Variants in FOXL2NB observed in about 807,000 individuals in gnomAD.
FOXL2NB encodes the protein FOXL2 neighbor protein.
FOXL2NB carries 10 observed loss-of-function variants against 7.4 expected under a neutral mutation model. The ratio of observed to expected loss-of-function variants is 1.34; its 90% CI spans 0.83 to 2.28. FOXL2NB has a LOEUF of 2.28. Among genes scored for constraint, FOXL2NB ranks in the 30% most tolerant of loss-of-function variants. FOXL2NB has a pLI of 0.00. For missense variants in FOXL2NB, 228 were observed against 233.9 expected (o/e 0.97, Z 0.17); for synonymous variants, 104 against 105.3 (o/e 0.99, Z 0.08).
chr3:138,950,559 A>G lies in FOXL2NB; in HGVS notation c.515A>G (p.His172Arg). 5 of 1,614,108 alleles carry G rather than the reference A, an allele frequency of 3.1e-6. No individual in the cohort carries two copies. Among genetic ancestry groups the G allele is most frequent in the Non-Finnish European group, 4.2e-6 (5 of 1,180,006 alleles). The change falls in exon 3 of 3, where the codon CAC becomes CGC. Residue 172 changes from histidine (H) to arginine (R), a missense_variant. Transcript: ENST00000383165. ...TGCTTGGCTAGCAAAGGGAAGCTTC[A>G]CTGTGTCTATTAGTACATCCCCATA... The part of the protein sequence containing the change: ...LRCLASKGKL[H>R]CVY
In FOXL2NB at chr3:138,950,921, A is replaced by C; in HGVS notation, c.*349A>C. 1.4e-5 allele frequency: 4 copies of C among 279,468 alleles called. No homozygotes were observed. Among genetic ancestry groups the C allele is most frequent in the Non-Finnish European group, 2.7e-5 (4 of 149,762 alleles). The allele number at this position is 279,468 out of a possible 1,614,324, so 17.3% of individuals were successfully genotyped here. On this transcript the variant is annotated 3_prime_UTR_variant, in exon 3 of 3. Transcript: ENST00000383165. ...AATGGGCTCCAGGTTTACAAGCCTG[A>C]CTCCGAGAAGCCTGTTGATTCTCTG... is the stretch of plus-strand genomic sequence containing the variant.
In FOXL2NB at chr3:138,948,385, A is replaced by G. The variant is rs541246385; in HGVS notation, c.100+921A>G. ...TCCAATTATTTCAGCATGTACAGAG[A>G]TTGTTTCAGGGAAAATCAGGTGTGC... On this transcript the variant is annotated intron_variant, in intron 1 of 2. Transcript: ENST00000383165. Among the ~76,000 whole-genome samples the G allele has an allele frequency of 1.1e-4, 17 of 152,342 alleles. No homozygotes were observed. In the South Asian group the frequency reaches 3.3e-3, roughly 30 times the overall value.
rs375623911 is a variant in FOXL2NB at position 138,950,424 on chromosome 3, C to T, written c.380C>T (p.Pro127Leu). Residue 127 changes from proline to leucine, a missense_variant, in exon 3 of 3, where the codon CCG becomes CTG. Pro to Leu is a moderately conservative substitution (Grantham distance 98). Coordinates refer to ENST00000383165, the MANE Select transcript of FOXL2NB (RefSeq NM_001040061.3). ...GCCGCCGGCTGCCTGAACCAGGTTCCGCTGTCCCCTTTCCTAGCGGGACCC... is the reference window on the plus strand; with the variant it reads ...GCCGCCGGCTGCCTGAACCAGGTTCTGCTGTCCCCTTTCCTAGCGGGACCC... Reference protein sequence around the residue: ...RAAAGCLNQVPLSPFLAGPRN... With the variant: ...RAAAGCLNQVLLSPFLAGPRN... The T allele has an allele frequency of 2.1e-4, 332 of 1,613,796 alleles. No homozygotes were observed. Among genetic ancestry groups the T allele is most frequent in the Non-Finnish European group, 2.6e-4 (310 of 1,180,040 alleles).
rs904842716 is a variant in FOXL2NB, at chr3:138,949,866, G to A, written c.220+227G>A. The A allele has an allele frequency of 3.4e-5, 24 of 712,718 alleles. No individual in the cohort carries two copies. Among genetic ancestry groups the A allele is most frequent in the Non-Finnish European group, 5.5e-5 (22 of 398,058 alleles). The allele number at this position is 712,718 out of a possible 1,614,324, so 44.1% of individuals were successfully genotyped here. ...CTTCGGAGGTAGGCTGGTTGCTGGCGAGGTCGGGATCCTCTCTGAACAGGG... is the reference window on the plus strand; with the variant it reads ...CTTCGGAGGTAGGCTGGTTGCTGGCAAGGTCGGGATCCTCTCTGAACAGGG... On this transcript the variant is annotated intron_variant, in intron 2 of 2. Coordinates refer to ENST00000383165, the MANE Select transcript of FOXL2NB (RefSeq NM_001040061.3). The surrounding 1 kb of genome is among the most constrained non-coding windows in gnomAD (Gnocchi z 4.5).
chr3:138,948,736 C>T (rs1936047601), intron 1 of FOXL2NB, among the ~76,000 whole-genome samples: 1 of 152,188 alleles, frequency 6.6e-6, no homozygotes, highest in African/African-American at 2.4e-5. Context: ...AGGCCATCTA[C>T]AAGTGTTGTC....
At chr3:138,950,227 A>T (rs765150065) in intron 2 of FOXL2NB, 38 bp from the exon 3 acceptor site, 1 of 1,573,720 alleles carries the variant, frequency 6.4e-7, no homozygotes, top group Non-Finnish European at 8.6e-7. Context: ...CGGCGCGAGC[A>T]ATCTACACGG....
At position 138,950,327 on chromosome 3, in the gene FOXL2NB, C is replaced by T. The variant is rs548433443; in HGVS notation, c.283C>T (p.Leu95=). 4.7e-5 allele frequency: 75 copies of T among 1,610,500 alleles called. No individual in the cohort carries two copies. The East Asian group carries it at 8.2e-4, about 18-fold the overall frequency. Residue 95 remains leucine (L), a synonymous_variant, in exon 3 of 3, where the codon CTA becomes TTA. Transcript: ENST00000383165. ...PAPRASGGPA[L]LGKRRGCSEA... is the part of the protein sequence containing the mutation. ...GCCTCGGGCTTCCGGCGGCCCAGCT[C>T]TACTAGGGAAGCGTCGCGGCTGCTC...
Position 138,952,290 on chromosome 3 carries a change from T to C in FOXL2NB, c.*1718T>C, listed in dbSNP as rs923892898. The C allele has an allele frequency of 6.6e-6, 1 of 152,142 alleles. No homozygotes were observed. Among genetic ancestry groups the C allele is most frequent in the South Asian group, 2.1e-4 (1 of 4,824 alleles). The allele number at this position is 152,142 out of a possible 1,614,324, so 9.4% of individuals were successfully genotyped here. ...TTGGTCCTCATTCCTGGCTCAATTT[T>C]CTCCCACAAAGCGGGCACTTTCTAA... On this transcript the variant is annotated 3_prime_UTR_variant, in exon 3 of 3. Transcript: ENST00000383165.
Position 138,950,699 on chromosome 3 carries a change from C to T in FOXL2NB, c.*127C>T, listed in dbSNP as rs1013291225. On this transcript the variant is annotated 3_prime_UTR_variant, in exon 3 of 3. Transcript: ENST00000383165. ...TCCACTCAGGTCACGTTACTCCATC[C>T]ACTTCTCTCTCCTTCTCCCTCTGTC... 1.3e-5 allele frequency: 12 copies of T among 958,550 alleles called. No individual in the cohort carries two copies. The African/African-American group carries it at 1.7e-4, about 13-fold the overall frequency. 59.4% of individuals were successfully genotyped at this position (958,550 alleles called of 1,614,324 possible).
At chr3:138,948,625 A>T (rs2107746716) in intron 1 of FOXL2NB, among the ~76,000 whole-genome samples, 1 of 152,154 alleles carries the variant, frequency 6.6e-6, no homozygotes, top group Admixed American at 6.5e-5. Context: ...GGAGTGGCTG[A>T]CTCAATGCCT....
At chr3:138,950,068 C>A in intron 2 of FOXL2NB, 197 bp from the exon 3 acceptor site, 1 of 720,142 alleles carries the variant, frequency 1.4e-6, no homozygotes, top group Non-Finnish European at 2.5e-6. Context: ...GGTCCCGCAG[C>A]TGCAATTCAG....
rs1936115471 is a variant in FOXL2NB, at chr3:138,950,732, A to G, written c.*160A>G. On this transcript the variant is annotated 3_prime_UTR_variant, in exon 3 of 3. Coordinates refer to ENST00000383165, the MANE Select transcript of FOXL2NB (RefSeq NM_001040061.3). Reference sequence around the variant, plus strand: ...TCTCCTTCTCCCTCTGTCAACTCCAAATCCCCTCTAGTTCTCCCTCCCCTC... The same window carrying G: ...TCTCCTTCTCCCTCTGTCAACTCCAGATCCCCTCTAGTTCTCCCTCCCCTC... 1 of 701,568 alleles carries G rather than the reference A, an allele frequency of 1.4e-6. No homozygotes were observed. Among genetic ancestry groups the G allele is most frequent in the Non-Finnish European group, 2.4e-6 (1 of 422,168 alleles). 43.5% of individuals were successfully genotyped at this position (701,568 alleles called of 1,614,324 possible). A position where few individuals can be genotyped will look rare whatever the true frequency, so the allele number is the denominator to read the frequency against.
At chr3:138,948,518 A>G (rs1373960660) in intron 1 of FOXL2NB, among the ~76,000 whole-genome samples, 1 of 152,190 alleles carries the variant, frequency 6.6e-6, no homozygotes, top group African/African-American at 2.4e-5. Flanking sequence ...CTCAAGCCCC[A>G]AACTCCTTGG....
At chr3:138,950,222 C>T in intron 2 of FOXL2NB, 43 bp from the exon 3 acceptor site, 1 of 1,590,704 alleles carries the variant, frequency 6.3e-7, no homozygotes. Context: ...ACAGCCGGCG[C>T]GAGCAATCTA....
At position 138,950,584 on chromosome 3, in the gene FOXL2NB, A is replaced by AC; in HGVS notation, c.*13dup. Reference sequence around the variant, plus strand: ...ACTGTGTCTATTAGTACATCCCCATACACTCCACGCCTCAACAACTGTCAG... The same window carrying AC: ...ACTGTGTCTATTAGTACATCCCCATACCACTCCACGCCTCAACAACTGTCAG... On this transcript the variant is annotated 3_prime_UTR_variant, in exon 3 of 3. Transcript: ENST00000383165. 6.2e-7 allele frequency: 1 copy of AC among 1,613,190 alleles called. No homozygotes were observed. Among genetic ancestry groups the AC allele is most frequent in the Non-Finnish European group, 8.5e-7 (1 of 1,179,786 alleles).
At position 138,953,229 on chromosome 3, in the gene FOXL2NB, G is replaced by A. The variant is rs1936165492; in HGVS notation, c.*2657G>A. On this transcript the variant is annotated 3_prime_UTR_variant, in exon 3 of 3. Coordinates refer to ENST00000383165, the MANE Select transcript of FOXL2NB (RefSeq NM_001040061.3). ...GGGTTTCACCATGTTGGCCAGGCTA[G>A]TCTTGAACTCCTAACCTCAAGTGAT... 5 of 152,192 alleles carry A rather than the reference G, an allele frequency of 3.3e-5. No individual in the cohort carries two copies. Among genetic ancestry groups the A allele is most frequent in the African/African-American group, 1.2e-4 (5 of 41,446 alleles). The allele number at this position is 152,192 out of a possible 1,614,324, so 9.4% of individuals were successfully genotyped here.
rs1481648714 is a variant in FOXL2NB at position 138,949,845 on chromosome 3, G to C, written c.220+206G>C. On this transcript the variant is annotated intron_variant, in intron 2 of 2. Coordinates refer to ENST00000383165, the MANE Select transcript of FOXL2NB (RefSeq NM_001040061.3). The surrounding 1 kb of genome is among the most constrained non-coding windows in gnomAD (Gnocchi z 4.5). Reference sequence around the variant, plus strand: ...CGCCCTGATTTACTTCTCAACCTTCGGAGGTAGGCTGGTTGCTGGCGAGGT... The same window carrying C: ...CGCCCTGATTTACTTCTCAACCTTCCGAGGTAGGCTGGTTGCTGGCGAGGT... 1.3e-6 allele frequency: 1 copy of C among 746,532 alleles called. No individual in the cohort carries two copies. The highest frequency in any genetic ancestry group is 1.5e-5 in the South Asian group (1 of 67,992). The allele number at this position is 746,532 out of a possible 1,614,324, so 46.2% of individuals were successfully genotyped here. A position where few individuals can be genotyped will look rare whatever the true frequency, so the allele number is the denominator to read the frequency against.
chr3:138,947,410 A>G lies in FOXL2NB; in HGVS notation c.46A>G (p.Arg16Gly). 1 of 1,542,200 alleles carries G rather than the reference A, an allele frequency of 6.5e-7. No homozygotes were observed. The change falls in exon 1 of 3, where the codon AGG becomes GGG. Residue 16 changes from arginine (R) to glycine (G), a missense_variant. By Grantham distance (125) the Arg-to-Gly change is moderately radical (BLOSUM62 -2). Coordinates refer to ENST00000383165, the MANE Select transcript of FOXL2NB (RefSeq NM_001040061.3). The surrounding 1 kb of genome is among the most constrained non-coding windows in gnomAD (Gnocchi z 5.2). ...VGSARTRPKPRKLGPQRGKAL... is the reference protein window; with the variant it reads ...VGSARTRPKPGKLGPQRGKAL... ...GTCTGCCCGCACCCGGCCAAAGCCCAGGAAGCTCGGGCCCCAGCGAGGAAA... is the reference window on the plus strand; with the variant it reads ...GTCTGCCCGCACCCGGCCAAAGCCCGGGAAGCTCGGGCCCCAGCGAGGAAA...
chr3:138,947,226 T>C lies in FOXL2NB; in HGVS notation c.-139T>C, dbSNP rs1936003747. 4.4e-6 allele frequency: 3 copies of C among 682,230 alleles called. No homozygotes were observed. In the South Asian group the frequency reaches 5.7e-5, roughly 13 times the overall value. The allele number at this position is 682,230 out of a possible 1,614,324, so 42.3% of individuals were successfully genotyped here. A position where few individuals can be genotyped will look rare whatever the true frequency, so the allele number is the denominator to read the frequency against. ...CCAGCCGCGCACGGGCGAGTTCATC[T>C]CCAAGTCACTTTTTGTAAACGCCCC... On this transcript the variant is annotated 5_prime_UTR_variant, in exon 1 of 3. Coordinates refer to ENST00000383165, the MANE Select transcript of FOXL2NB (RefSeq NM_001040061.3). This position sits in a 1 kb window ranked among gnomAD's most constrained non-coding sequence, Gnocchi z 5.2.
Sources: allele counts gnomAD v4.1 joint callset (sites outside exome capture counted in the v4.1 genomes callset), GRCh38; gene constraint gnomAD v4.1.1; non-coding constraint Gnocchi (gnomAD v3.1); transcripts MANE v1.5; gene names NCBI Gene and HGNC (gene_info 2026-07-23, HGNC 2026-07-21).